Variants in FBXO27 observed in about 807,000 individuals in gnomAD.
The protein encoded by FBXO27 is F-box only protein 27.
In FBXO27, 28 loss-of-function variants were observed where a neutral mutation model predicts 28.3. That is an observed-to-expected ratio of 0.99 (90% CI 0.73 to 1.36). The LOEUF is 1.36. Ranked by LOEUF, FBXO27 falls within the 40% of genes most tolerant of loss-of-function variation. The pLI, the probability that FBXO27 is intolerant of heterozygous loss-of-function variation, is 0.00. For missense variants in FBXO27, 388 were observed against 394.1 expected, an observed-to-expected ratio of 0.98 and a Z score of 0.13; for synonymous variants, 175 against 167.3, an observed-to-expected ratio of 1.05 and a Z score of -0.36.
chr19:39,020,644 C>A (rs1222413573), downstream of FBXO27, among the ~76,000 whole-genome samples: 2 of 149,472 alleles, frequency 1.3e-5, no homozygotes, highest in Non-Finnish European at 3.0e-5. Context: ...TACCATTGAG[C>A]CAAAATAATA....
intron 2 of FBXO27, among the ~76,000 whole-genome samples, chr19:39,009,418 G>A (rs2072784276): frequency 6.6e-6 from 1 of 152,182 alleles, no homozygotes; most frequent in South Asian, 2.1e-4. Flanking sequence ...AGCAATGTGT[G>A]AGGATAATCT....
chr19:39,019,991 G>A (rs1441748726), downstream of FBXO27, among the ~76,000 whole-genome samples: 2 of 152,042 alleles, frequency 1.3e-5, no homozygotes, highest in Admixed American at 1.3e-4. Context: ...GATCTCAAGC[G>A]ATTCTCCCCA....
intron 2 of FBXO27, among the ~76,000 whole-genome samples, chr19:39,006,110 G>A (rs956808580): frequency 6.6e-6 from 1 of 152,168 alleles, no homozygotes; most frequent in Admixed American, 6.6e-5. Context: ...AAAGCAAATG[G>A]AGAGACACTG....
chr19:39,007,543 G>C (rs1456369536), intron 2 of FBXO27, among the ~76,000 whole-genome samples: 1 of 152,114 alleles, frequency 6.6e-6, no homozygotes, highest in African/African-American at 2.4e-5. Context: ...AAGTTCTCGG[G>C]AGTAGTTCTG....
downstream of FBXO27, among the ~76,000 whole-genome samples, chr19:39,019,160 C>T (rs867440439): frequency 1.3e-5 from 2 of 151,390 alleles, no homozygotes; most frequent in Middle Eastern, 7.0e-3. Context: ...CACGGTAGCT[C>T]ACGCCTGTAA....
intron 4 of FBXO27, among the ~76,000 whole-genome samples, chr19:39,027,291 C>T (rs766200860): frequency 9.9e-5 from 15 of 152,110 alleles, no homozygotes; most frequent in African/African-American, 2.4e-4. Context: ...ATGTGACTTT[C>T]GGTGGGGGCT....
At chr19:39,020,615 G>A (rs1443796496), downstream of FBXO27, among the ~76,000 whole-genome samples, 1 of 152,088 alleles carries the variant, frequency 6.6e-6, no homozygotes, top group African/African-American at 2.4e-5. Context: ...GGCCATCCTT[G>A]TTAGAGAAAG....
chr19:39,031,054 T>C lies in FBXO27; in HGVS notation c.547A>G (p.Arg183Gly), dbSNP rs375020908. ...CAGTCAGAGACACAAATCTCAATCC[T>C]GCCACTATCCAGCAGTTCTGGCCAC... Reference protein sequence around the residue: ...GLWPELLDSGRIEICVSDWWG... With the variant: ...GLWPELLDSGGIEICVSDWWG... Residue 183 changes from arginine to glycine, a missense_variant, in exon 4 of 6, where the codon AGG (arginine) becomes GGG (glycine). Coordinates refer to ENST00000292853, the MANE Select transcript of FBXO27 (RefSeq NM_178820.5). The C allele has an allele frequency of 6.2e-7, 1 of 1,614,008 alleles. No homozygotes were observed. Among genetic ancestry groups the C allele is most frequent in the African/African-American group, 1.3e-5 (1 of 74,908 alleles).
Position 39,032,158 on chromosome 19 carries a change from G to A in FBXO27, c.70C>T (p.Leu24=). 1 of 1,534,948 alleles carries A rather than the reference G, an allele frequency of 6.5e-7. No individual in the cohort carries two copies. The highest frequency in any genetic ancestry group is 2.0e-5 in the Admixed American group (1 of 49,120). The change falls in exon 2 of 6, where the codon CTG becomes TTG. Residue 24 remains leucine, a synonymous_variant. Transcript: ENST00000292853. The surrounding 1 kb of genome is among the most constrained non-coding windows in gnomAD (Gnocchi z 4.7). ...PAPEPEPEEA[L]DLSQLPPELL... ...TCTGGGGGTAGTTGGCTCAGGTCCA[G>A]CGCCTCTTCGGGTTCCGGCTCCGGC...
downstream of FBXO27, among the ~76,000 whole-genome samples, chr19:39,021,684 A>G (rs1000050828): frequency 4.6e-5 from 7 of 151,704 alleles, no homozygotes; most frequent in Non-Finnish European, 8.8e-5. Flanking sequence ...TTTTTTTGAG[A>G]TGGAGTCTTG....
chr19:39,029,132 A>T (rs948906701), intron 4 of FBXO27, among the ~76,000 whole-genome samples: 6 of 150,960 alleles, frequency 4.0e-5, no homozygotes, highest in African/African-American at 1.5e-4. Context: ...CTTGATTAAG[A>T]GTGAATTTGC....
rs2072879196 is a variant in FBXO27 at position 39,027,375 on chromosome 19, T to C, written c.573-370A>G. 2.0e-5 allele frequency among the ~76,000 whole-genome samples: 3 copies of C among 152,056 alleles called. 1 individual carries two copies. The highest frequency in any genetic ancestry group is 2.0e-4 in the Admixed American group (3 of 15,244). The stretch of plus-strand genomic sequence containing the variant: ...GGCAATCGATCAATCCATCAGGCCT[T>C]GTGATGAACCCAAGAAACACTCTGG... On this transcript the variant is annotated intron_variant, in intron 4 of 5. Transcript: ENST00000292853.
chr19:39,031,540 C>G (rs2072903565), intron 2 of FBXO27: 6 of 618,514 alleles, frequency 9.7e-6, no homozygotes, highest in Non-Finnish European at 1.7e-5. Flanking sequence ...CCCTCCAACC[C>G]CTCTCTCGGG....
At chr19:39,030,799 G>A in intron 4 of FBXO27, 1 of 562,004 alleles carries the variant, frequency 1.8e-6, no homozygotes, top group South Asian at 2.1e-5. Flanking sequence ...GTAGAGACGA[G>A]GTTTTGCCAT....
Position 39,032,235 on chromosome 19 carries a change from C to G in FBXO27, c.-8G>C, listed in dbSNP as rs778513079. 3.4e-3 allele frequency: 4,795 copies of G among 1,428,396 alleles called. 152 individuals carry two copies. The African/African-American group carries it at 0.065, about 19-fold the overall frequency. The allele number at this position is 1,428,396 out of a possible 1,614,324, so 88.5% of individuals were successfully genotyped here. ...GGAGACCGAGGCGCCCATGGTCCCC[C>G]CGCCAGGCCCGGCTGTGGCTGCGGG... On this transcript the variant is annotated 5_prime_UTR_variant, in exon 2 of 6. Transcript: ENST00000292853. This position sits in a 1 kb window ranked among gnomAD's most constrained non-coding sequence, Gnocchi z 4.7.
At chr19:39,029,560 G>A (rs2072891359) in intron 4 of FBXO27, among the ~76,000 whole-genome samples, 1 of 151,946 alleles carries the variant, frequency 6.6e-6, no homozygotes, top group Non-Finnish European at 1.5e-5. Flanking sequence ...AACTAGAGAA[G>A]GGGGACACTG....
At chr19:39,007,072 A>AAC (rs1040421723) in intron 2 of FBXO27, among the ~76,000 whole-genome samples, 27 of 150,158 alleles carry the variant, frequency 1.8e-4, no homozygotes, top group South Asian at 4.2e-4. Context: ...AAAAAAAAAA[A>AAC]AAAAAATACA....
intron 2 of FBXO27, among the ~76,000 whole-genome samples, chr19:39,009,793 GT>G (rs891106013): frequency 8.0e-5 from 12 of 150,908 alleles, no homozygotes; most frequent in Non-Finnish European, 1.2e-4. Flanking sequence ...AAGTTGTGGG[GT>G]TTTTTTTTTT....
intron 2 of FBXO27, among the ~76,000 whole-genome samples, chr19:39,010,516 G>A (rs957901159): frequency 5.3e-5 from 8 of 152,070 alleles, no homozygotes; most frequent in Non-Finnish European, 4.4e-5. Context: ...GGCAGGGCTC[G>A]GACACTGGAC....
Sources: gnomAD v4.1 joint callset for allele counts (sites outside exome capture counted in the v4.1 genomes callset) on GRCh38, gnomAD v4.1.1 for gene constraint, Gnocchi (gnomAD v3.1) non-coding constraint, MANE v1.5 for transcripts, NCBI Gene and HGNC (gene_info 2026-07-23, HGNC 2026-07-21) for gene names.